The following TBC1D14 variants were observed in gnomAD, a reference collection of about 807,000 sequenced individuals.
TBC1D14 encodes the protein TBC1 domain family member 14, also known as TBC1 domain family, member 14.
In TBC1D14, 26 loss-of-function variants were observed where a neutral mutation model predicts 79.0. The observed-to-expected ratio is 0.33, with a 90% CI of 0.24 to 0.46. TBC1D14 has a LOEUF of 0.46. TBC1D14 is among the 20% of genes least tolerant of loss of function. The pLI, the probability that TBC1D14 is intolerant of heterozygous loss-of-function variation, is 1.00. For missense variants in TBC1D14, 769 were observed against 887.6 expected, an observed-to-expected ratio of 0.87 and a Z score of 1.70; for synonymous variants, 394 against 349.9, an observed-to-expected ratio of 1.13 and a Z score of -1.40.
intron 2 of TBC1D14, among the ~76,000 whole-genome samples, chr4:6,941,972 C>T (rs1217286500): frequency 6.6e-6 from 1 of 152,144 alleles, no homozygotes; most frequent in Non-Finnish European, 1.5e-5. Flanking sequence ...GGTGTGGGAC[C>T]ACAGGAATAC....
rs1722241535 is a variant in TBC1D14 at position 7,025,266 on chromosome 4, A to G, written c.2016+4A>G. The G allele has an allele frequency of 1.2e-6, 2 of 1,613,988 alleles. No homozygotes were observed. Among genetic ancestry groups the G allele is most frequent in the South Asian group, 2.2e-5 (2 of 91,092 alleles). On this transcript the variant is annotated splice_donor_region_variant and intron_variant, in intron 13 of 13. Coordinates refer to ENST00000409757, the MANE Select transcript of TBC1D14 (RefSeq NM_020773.3). Reference sequence around the variant, plus strand: ...CCGAAACAAGAAGTGGGCTCAGGTCAGCGGGCTTTGTGTTCTTGGCTTCCC... The same window carrying G: ...CCGAAACAAGAAGTGGGCTCAGGTCGGCGGGCTTTGTGTTCTTGGCTTCCC...
intron 1 of TBC1D14, among the ~76,000 whole-genome samples, chr4:6,912,104 G>T (rs1424425569): frequency 1.3e-5 from 2 of 152,110 alleles, no homozygotes; most frequent in Non-Finnish European, 2.9e-5. Flanking sequence ...TATAAATAAA[G>T]TTTCAGCTGG....
intron 4 of TBC1D14, among the ~76,000 whole-genome samples, chr4:6,994,597 C>T (rs1205271585): frequency 6.6e-6 from 1 of 152,066 alleles, no homozygotes; most frequent in Non-Finnish European, 1.5e-5. Context: ...GCCTGTAATC[C>T]CTGCACTTTG....
At chr4:6,919,660 A>C (rs868566960) in intron 1 of TBC1D14, among the ~76,000 whole-genome samples, 1 of 151,512 alleles carries the variant, frequency 6.6e-6, no homozygotes, top group Non-Finnish European at 1.5e-5. Flanking sequence ...TCCCTCTGTC[A>C]CCCAGCCTGG....
chr4:6,952,897 G>C (rs1471217180), intron 2 of TBC1D14, among the ~76,000 whole-genome samples: 2 of 152,024 alleles, frequency 1.3e-5, no homozygotes, highest in African/African-American at 4.8e-5. Context: ...GCCCAGGCTG[G>C]AGTGCAGTGG....
intron 12 of TBC1D14, among the ~76,000 whole-genome samples, chr4:7,022,195 C>A (rs146149441): frequency 4.5e-4 from 69 of 152,334 alleles, no homozygotes; most frequent in Non-Finnish European, 7.2e-4. Context: ...CAGCCTGGAG[C>A]AGGGGACAGA....
intron 2 of TBC1D14, among the ~76,000 whole-genome samples, chr4:6,946,986 A>G (rs1056736789): frequency 6.6e-6 from 1 of 152,210 alleles, no homozygotes; most frequent in African/African-American, 2.4e-5. Context: ...GAGATTAAGA[A>G]TAAATTAGTA....
At chr4:6,925,397 A>AGCAGAACCCACGTCAGACATT (rs1724213677) in intron 2 of TBC1D14, among the ~76,000 whole-genome samples, 2 of 152,154 alleles carry the variant, frequency 1.3e-5, no homozygotes, top group Non-Finnish European at 2.9e-5. Flanking sequence ...GTGTGTCTCT[A>AGCAGAACCCACGTCAGACATT]GCAGAACCCA....
chr4:6,975,617 G>C lies in TBC1D14; in HGVS notation c.843+8193G>C, dbSNP rs73088554. Among the ~76,000 whole-genome samples the C allele has an allele frequency of 2.6e-5, 4 of 152,216 alleles. No individual in the cohort carries two copies. In the East Asian group the frequency reaches 7.7e-4, roughly 29 times the overall value. ...TTATAAAAATGCTCCAACAAGTAAG[G>C]GTGCACACTTCTGAGATGGGAAAAT... On this transcript the variant is annotated intron_variant, in intron 3 of 13. Coordinates refer to ENST00000409757, the MANE Select transcript of TBC1D14 (RefSeq NM_020773.3).
intron 2 of TBC1D14, among the ~76,000 whole-genome samples, chr4:6,957,563 C>T (rs1714758890): frequency 6.6e-6 from 1 of 152,218 alleles, no homozygotes; most frequent in Admixed American, 6.5e-5. Flanking sequence ...CTACTGGTCT[C>T]CTCTGGTCTT....
intron 2 of TBC1D14, among the ~76,000 whole-genome samples, chr4:6,934,735 C>G (rs925536021): frequency 6.6e-6 from 1 of 152,024 alleles, no homozygotes; most frequent in South Asian, 2.1e-4. Context: ...TTGAGCAGAG[C>G]TGTTTTCGTG....
intron 2 of TBC1D14, among the ~76,000 whole-genome samples, chr4:6,951,406 C>T (rs1476019325): frequency 6.6e-6 from 1 of 152,170 alleles, no homozygotes; most frequent in African/African-American, 2.4e-5. Flanking sequence ...GTGTGGTAGC[C>T]TGCAATCCCA....
chr4:6,912,458 T>G (rs898832043), intron 1 of TBC1D14, among the ~76,000 whole-genome samples: 4 of 152,258 alleles, frequency 2.6e-5, no homozygotes, highest in African/African-American at 9.6e-5. Context: ...AATTCTTGAT[T>G]GTCCATCTGG....
At chr4:6,978,728 A>G (rs1201749133) in intron 3 of TBC1D14, among the ~76,000 whole-genome samples, 1 of 141,430 alleles carries the variant, frequency 7.1e-6, no homozygotes, top group Admixed American at 6.9e-5. Context: ...AACACCCAAG[A>G]ATGATCAATT....
chr4:6,964,794 A>T (rs1715554974), intron 2 of TBC1D14, among the ~76,000 whole-genome samples: 1 of 152,162 alleles, frequency 6.6e-6, no homozygotes, highest in Non-Finnish European at 1.5e-5. Context: ...TATTTGTTTT[A>T]TTTTTTTGAA....
chr4:6,999,988 C>T (rs180883929), intron 6 of TBC1D14, among the ~76,000 whole-genome samples: 3 of 152,292 alleles, frequency 2.0e-5, no homozygotes, highest in East Asian at 1.9e-4. Context: ...CAGAGGCATT[C>T]GGGGAGCTTG....
At chr4:7,025,997 A>G (rs1261985360) in intron 13 of TBC1D14, among the ~76,000 whole-genome samples, 1 of 152,016 alleles carries the variant, frequency 6.6e-6, no homozygotes, top group African/African-American at 2.4e-5. Context: ...GTCTATGAAG[A>G]CTTTTCCTTT....
intron 2 of TBC1D14, among the ~76,000 whole-genome samples, chr4:6,933,765 T>A (rs532580912): frequency 1.6e-4 from 25 of 152,204 alleles, no homozygotes; most frequent in African/African-American, 6.0e-4. Context: ...GAGTAGTGAT[T>A]TCATTGAGTC....
chr4:6,964,325 G>T (rs1049271342), intron 2 of TBC1D14, among the ~76,000 whole-genome samples: 8 of 152,104 alleles, frequency 5.3e-5, no homozygotes, highest in African/African-American at 1.9e-4. Flanking sequence ...CGCGGCTTCT[G>T]TGCAATTCTC....
Sources: allele counts gnomAD v4.1 joint callset (sites outside exome capture counted in the v4.1 genomes callset), GRCh38; gene constraint gnomAD v4.1.1; transcripts MANE v1.5; gene names NCBI Gene and HGNC (gene_info 2026-07-23, HGNC 2026-07-21).